The following NEIL2 variants were observed in gnomAD, a reference collection of about 807,000 sequenced individuals.
NEIL2 encodes the protein nei like DNA glycosylase 2.
In NEIL2, 23 loss-of-function variants were observed where a neutral mutation model predicts 22.2. That is an observed-to-expected ratio of 1.04 (90% CI 0.75 to 1.47). The LOEUF (loss-of-function observed/expected upper bound fraction) is 1.47, where lower values mean the gene tolerates loss of function less well. NEIL2 is among the 40% of genes most tolerant of loss of function. NEIL2 has a pLI of 0.00. For missense variants in NEIL2, 583 were observed against 404.7 expected, an observed-to-expected ratio of 1.44 and a Z score of -3.78; for synonymous variants, 229 against 164.8, an observed-to-expected ratio of 1.39 and a Z score of -2.99.
At chr8:11,770,547 A>G (rs1279603263) in intron 1 of NEIL2, among the ~76,000 whole-genome samples, 3 of 152,194 alleles carry the variant, frequency 2.0e-5, no homozygotes, top group Non-Finnish European at 1.5e-5. Flanking sequence ...AAGTATTCTA[A>G]AATGTTTTTT....
chr8:11,779,182 C>T (rs375202177), intron 2 of NEIL2, among the ~76,000 whole-genome samples: 1 of 152,128 alleles, frequency 6.6e-6, no homozygotes. Context: ...TACCCAGTTT[C>T]ACAGGGTGTT....
chr8:11,783,453 G>A, intron 4 of NEIL2, 54 bp downstream of exon 4: 4 of 1,544,498 alleles, frequency 2.6e-6, no homozygotes, highest in Non-Finnish European at 3.6e-6. Flanking sequence ...GGAAAAGTCG[G>A]TCCTGTGGGA....
rs1312387276 is a variant in NEIL2, at chr8:11,786,090, G to T, written c.816G>T (p.Leu272=). The T allele has an allele frequency of 6.2e-7, 1 of 1,614,222 alleles. No individual in the cohort carries two copies. The change falls in exon 5 of 5, where the codon CTG becomes CTT. Residue 272 remains leucine, a synonymous_variant. Coordinates refer to ENST00000284503, the MANE Select transcript of NEIL2 (RefSeq NM_145043.4). ...DHVVEFSTAW[L]QGKFQGRPQH... is the part of the protein sequence containing the mutation. The stretch of plus-strand genomic sequence containing the variant: ...TGGTGGAGTTCAGTACAGCCTGGCT[G>T]CAGGGCAAGTTCCAAGGCAGACCGC...
chr8:11,773,177 A>G (rs943435112), intron 2 of NEIL2, among the ~76,000 whole-genome samples: 8 of 152,186 alleles, frequency 5.3e-5, no homozygotes, highest in South Asian at 2.1e-4. Flanking sequence ...CTGGATCCCC[A>G]GCACTTACCA....
intron 4 of NEIL2, among the ~76,000 whole-genome samples, chr8:11,784,741 C>T (rs1281817711): frequency 1.3e-5 from 2 of 152,170 alleles, no homozygotes; most frequent in Admixed American, 6.5e-5. Context: ...GGAACATTCC[C>T]AAGAGAGTTA....
At chr8:11,779,987 T>C (rs1804272873) in intron 3 of NEIL2, 37 bp downstream of exon 3, 2 of 1,547,152 alleles carry the variant, frequency 1.3e-6, no homozygotes, top group Non-Finnish European at 1.8e-6. Flanking sequence ...TGGGCTCTGA[T>C]AGTCATAGGG....
intron 2 of NEIL2, among the ~76,000 whole-genome samples, chr8:11,778,521 G>T (rs915403861): frequency 6.6e-6 from 1 of 152,082 alleles, no homozygotes; most frequent in African/African-American, 2.4e-5. Flanking sequence ...AGTAACACAG[G>T]CATTTCCAGT....
At chr8:11,772,630 G>A (rs540106974) in intron 2 of NEIL2, among the ~76,000 whole-genome samples, 2 of 152,260 alleles carry the variant, frequency 1.3e-5, no homozygotes, top group African/African-American at 4.8e-5. Flanking sequence ...GAGGGGAGAG[G>A]ACAGATGCAG....
chr8:11,774,370 C>G (rs1803732014), intron 2 of NEIL2, among the ~76,000 whole-genome samples: 1 of 152,156 alleles, frequency 6.6e-6, no homozygotes, highest in African/African-American at 2.4e-5. Flanking sequence ...GAGACTCCAT[C>G]TGAAAAACAA....
At chr8:11,782,303 T>C (rs1420800217) in intron 3 of NEIL2, among the ~76,000 whole-genome samples, 1 of 152,098 alleles carries the variant, frequency 6.6e-6, no homozygotes, top group African/African-American at 2.4e-5. Context: ...TATGCACCTG[T>C]AATCCCAGCT....
In NEIL2 at chr8:11,771,602, C is replaced by G; in HGVS notation, c.138+17C>G. 6.2e-7 allele frequency: 1 copy of G among 1,609,730 alleles called. No individual in the cohort carries two copies. Among genetic ancestry groups the G allele is most frequent in the African/African-American group, 1.3e-5 (1 of 74,906 alleles). The stretch of plus-strand genomic sequence containing the variant: ...GACACCCAGGTGAGGTAATACTCCT[C>G]TGAAGGGTTGGCTCTGTCGCCCATC... On this transcript the variant is annotated intron_variant, in intron 2 of 4. Coordinates refer to ENST00000284503, the MANE Select transcript of NEIL2 (RefSeq NM_145043.4).
intron 2 of NEIL2, among the ~76,000 whole-genome samples, chr8:11,777,295 G>C (rs1475710488): frequency 6.6e-6 from 1 of 151,862 alleles, no homozygotes; most frequent in Non-Finnish European, 1.5e-5. Flanking sequence ...GCCTGGCCTA[G>C]CCACACTTTT....
chr8:11,772,699 C>T (rs551762272), intron 2 of NEIL2, among the ~76,000 whole-genome samples: 9 of 152,282 alleles, frequency 5.9e-5, no homozygotes, highest in Non-Finnish European at 1.2e-4. Flanking sequence ...AGTGCCGGCA[C>T]GTAGGAAGCA....
intron 3 of NEIL2, among the ~76,000 whole-genome samples, chr8:11,782,423 C>G (rs977925211): frequency 3.3e-5 from 5 of 152,160 alleles, no homozygotes; most frequent in African/African-American, 1.2e-4. Flanking sequence ...GAAACTCCAT[C>G]TCAAAAAAAA....
rs8191666 is a variant in NEIL2 at position 11,786,184 on chromosome 8, C to A, written c.910C>A (p.Pro304Thr). ...CCAGGTCATGAAGGAGGCGTTTGGG[C>A]CCGAAGATGGGTTACAGAGGCTCAC... is the stretch of plus-strand genomic sequence containing the variant. ...GHQVMKEAFG[P>T]EDGLQRLTWW... is the part of the protein sequence containing the mutation. Residue 304 changes from proline to threonine, a missense_variant, in exon 5 of 5, where the codon CCC becomes ACC. Transcript: ENST00000284503. 1.8e-3 allele frequency: 2,878 copies of A among 1,613,758 alleles called. 47 individuals carry two copies. In the South Asian group the frequency reaches 0.02, roughly 11 times the overall value.
chr8:11,786,669 T>G lies in NEIL2; in HGVS notation c.*396T>G. 7.3e-6 allele frequency: 2 copies of G among 272,996 alleles called. No homozygotes were observed. Among genetic ancestry groups the G allele is most frequent in the East Asian group, 1.1e-4 (1 of 9,236 alleles). The allele number at this position is 272,996 out of a possible 1,614,324, so 16.9% of individuals were successfully genotyped here. On this transcript the variant is annotated 3_prime_UTR_variant, in exon 5 of 5. Transcript: ENST00000284503. ...TGGTTGTTTGTTTTGAGAGAGAGTC[T>G]TGCTCTGTCTCCCTGGCTAGGGTGT... is the stretch of plus-strand genomic sequence containing the variant.
rs559242924 is a variant in NEIL2, at chr8:11,775,384, C to G, written c.138+3799C>G. Among the ~76,000 whole-genome samples the G allele has an allele frequency of 5.3e-5, 8 of 152,322 alleles. No individual in the cohort carries two copies. The East Asian group carries it at 7.7e-4, about 15-fold the overall frequency. On this transcript the variant is annotated intron_variant, in intron 2 of 4. Coordinates refer to ENST00000284503, the MANE Select transcript of NEIL2 (RefSeq NM_145043.4). The stretch of plus-strand genomic sequence containing the variant: ...GCTGGAGGGGCTAGGACACAGGGCA[C>G]CAAGTCCCTAGGCTGCACACAGCAG...
chr8:11,773,134 C>T (rs768030460), intron 2 of NEIL2, among the ~76,000 whole-genome samples: 7 of 152,120 alleles, frequency 4.6e-5, no homozygotes, highest in East Asian at 3.9e-4. Flanking sequence ...CACTGTCCTT[C>T]GAGGTTTGCA....
rs756391464 is a variant in NEIL2, at chr8:11,786,080, C to T, written c.806C>T (p.Thr269Ile). ...VLVDHVVEFS[T>I]AWLQGKFQGR... ...GTGGATCACGTGGTGGAGTTCAGTACAGCCTGGCTGCAGGGCAAGTTCCAA... is the reference window on the plus strand; with the variant it reads ...GTGGATCACGTGGTGGAGTTCAGTATAGCCTGGCTGCAGGGCAAGTTCCAA... Residue 269 changes from threonine to isoleucine, a missense_variant, in exon 5 of 5, where the codon ACA (threonine) becomes ATA (isoleucine). Physicochemically the swap from Thr to Ile is moderately conservative, Grantham distance 89. Transcript: ENST00000284503. 25 of 1,614,066 alleles carry T rather than the reference C, an allele frequency of 1.5e-5. No individual in the cohort carries two copies. In the South Asian group the frequency reaches 2.4e-4, roughly 16 times the overall value.
Sources: allele counts gnomAD v4.1 joint callset (sites outside exome capture counted in the v4.1 genomes callset), GRCh38; gene constraint gnomAD v4.1.1; transcripts MANE v1.5; gene names NCBI Gene and HGNC (gene_info 2026-07-23, HGNC 2026-07-21).